The following ADAMTS17 variants were observed in gnomAD, a reference collection of about 807,000 sequenced individuals.
ADAMTS17 encodes the protein ADAM metallopeptidase with thrombospondin type 1 motif 17.
In ADAMTS17, 113 loss-of-function variants were observed where a neutral mutation model predicts 141.5. That is an observed-to-expected ratio of 0.80 (90% CI 0.69 to 0.93). The LOEUF (loss-of-function observed/expected upper bound fraction) is 0.93, where lower values mean the gene tolerates loss of function less well. ADAMTS17 is among the 40% of genes least tolerant of loss of function. The pLI, the probability that ADAMTS17 is intolerant of heterozygous loss-of-function variation, is 0.00. For missense variants in ADAMTS17, 1,659 were observed against 1,517.9 expected (o/e 1.09, Z -1.54); for synonymous variants, 768 against 630.6 (o/e 1.22, Z -3.27).
In ADAMTS17 at chr15:100,053,980, C is replaced by T. The variant is rs2032348811; in HGVS notation, c.2212G>A (p.Gly738Ser). 1 of 1,614,186 alleles carries T rather than the reference C, an allele frequency of 6.2e-7. No individual in the cohort carries two copies. The highest frequency in any genetic ancestry group is 1.3e-5 in the African/African-American group (1 of 75,030). The change falls in exon 16 of 22, where the codon GGC becomes AGC. Residue 738 changes from glycine to serine, a missense_variant. Gly to Ser is a moderately conservative substitution (Grantham distance 56). Coordinates refer to ENST00000268070, the MANE Select transcript of ADAMTS17 (RefSeq NM_139057.4). ...IELPGEFQIA[G>S]TTVRYVRRGL... ...CTTCTCACATAGCGAACAGTTGTGCCTGCAATCTGGAACTCTCCGGGGAGC... is the reference window on the plus strand; with the variant it reads ...CTTCTCACATAGCGAACAGTTGTGCTTGCAATCTGGAACTCTCCGGGGAGC...
intron 15 of ADAMTS17, among the ~76,000 whole-genome samples, chr15:100,067,793 G>T (rs1027678498): frequency 6.6e-6 from 1 of 152,164 alleles, no homozygotes; most frequent in African/African-American, 2.4e-5. Flanking sequence ...TGGCCGAATA[G>T]GAACAGCTCC....
At chr15:100,250,318 A>G (rs942268610) in intron 7 of ADAMTS17, among the ~76,000 whole-genome samples, 9 of 152,332 alleles carry the variant, frequency 5.9e-5, no homozygotes, top group Non-Finnish European at 1.0e-4. Flanking sequence ...GGTACCAGAC[A>G]GCTCCTTTCC....
chr15:100,230,430 C>T (rs750136825), intron 7 of ADAMTS17, among the ~76,000 whole-genome samples: 2 of 152,184 alleles, frequency 1.3e-5, no homozygotes, highest in African/African-American at 2.4e-5. Flanking sequence ...GCCATAGACA[C>T]ACGAGCTAAT....
At chr15:100,041,188 A>G (rs1254905327) in intron 18 of ADAMTS17, among the ~76,000 whole-genome samples, 1 of 152,258 alleles carries the variant, frequency 6.6e-6, no homozygotes, top group Non-Finnish European at 1.5e-5. Context: ...GAACACATTT[A>G]AAAACCAAAT....
intron 4 of ADAMTS17, among the ~76,000 whole-genome samples, chr15:100,277,734 A>C (rs928562829): frequency 2.0e-5 from 3 of 152,258 alleles, no homozygotes; most frequent in African/African-American, 7.2e-5. Context: ...GTTAACACTG[A>C]ACTATTTCTG....
intron 15 of ADAMTS17, among the ~76,000 whole-genome samples, chr15:100,055,851 A>G (rs2032521391): frequency 6.6e-6 from 1 of 152,180 alleles, no homozygotes; most frequent in African/African-American, 2.4e-5. Flanking sequence ...CCTCTGAATT[A>G]TTGTCATCAC....
chr15:100,183,374 G>C (rs2040592321), intron 8 of ADAMTS17, among the ~76,000 whole-genome samples: 1 of 152,018 alleles, frequency 6.6e-6, no homozygotes, highest in African/African-American at 2.4e-5. Flanking sequence ...TGTTCAGATT[G>C]AGTGAATTAT....
chr15:100,174,824 T>C (rs963312876), intron 8 of ADAMTS17, among the ~76,000 whole-genome samples: 1 of 152,188 alleles, frequency 6.6e-6, no homozygotes, highest in African/African-American at 2.4e-5. Context: ...ACAGTAGATA[T>C]TTTTACTAGC....
At chr15:100,206,887 T>C (rs770057760) in intron 7 of ADAMTS17, among the ~76,000 whole-genome samples, 11 of 152,156 alleles carry the variant, frequency 7.2e-5, no homozygotes, top group Non-Finnish European at 1.5e-4. Flanking sequence ...TCTGTTTGAA[T>C]CACAGTTATT....
chr15:100,266,194 G>A (rs1351859092), intron 4 of ADAMTS17, among the ~76,000 whole-genome samples: 1 of 152,154 alleles, frequency 6.6e-6, no homozygotes, highest in South Asian at 2.1e-4. Context: ...CCACACCCAC[G>A]GTTTCTGGTA....
intron 7 of ADAMTS17, among the ~76,000 whole-genome samples, chr15:100,249,425 T>G (rs4128197): frequency 0.032 from 4,809 of 152,216 alleles, 261 homozygotes; most frequent in African/African-American, 0.11. Context: ...TGCTGTTGCC[T>G]CTCCTATGGA....
chr15:100,099,463 G>A (rs896980209), intron 14 of ADAMTS17, among the ~76,000 whole-genome samples: 3 of 152,210 alleles, frequency 2.0e-5, no homozygotes, highest in African/African-American at 7.2e-5. Flanking sequence ...GAGCTTTGAT[G>A]ATTGTATTTA....
At chr15:100,096,314 CA>C (rs1567165418) in intron 15 of ADAMTS17, 41 bp downstream of exon 15, 1 of 1,610,310 alleles carries the variant, frequency 6.2e-7, no homozygotes, top group Non-Finnish European at 8.5e-7. Context: ...GCAAAGGACA[CA>C]AAACACTGTA....
At chr15:100,007,460 A>G (rs935465675) in intron 18 of ADAMTS17, among the ~76,000 whole-genome samples, 13 of 151,220 alleles carry the variant, frequency 8.6e-5, no homozygotes, top group Admixed American at 1.3e-4. Flanking sequence ...CGCTGTTGTC[A>G]CCCAGGCTGG....
chr15:100,300,592 T>C (rs2044996480), intron 3 of ADAMTS17, among the ~76,000 whole-genome samples: 1 of 152,218 alleles, frequency 6.6e-6, no homozygotes, highest in African/African-American at 2.4e-5. Context: ...TCCACCAGGG[T>C]GAGCAAACCA....
At chr15:100,320,069 T>G (rs1344830375) in intron 3 of ADAMTS17, among the ~76,000 whole-genome samples, 1 of 151,744 alleles carries the variant, frequency 6.6e-6, no homozygotes, top group African/African-American at 2.4e-5. Flanking sequence ...ATTGCGAAAA[T>G]TAAAAACTCA....
rs551981197 is a variant in ADAMTS17, at chr15:99,997,010, C to T, written c.2796+375G>A. Among the ~76,000 whole-genome samples, 4 of 152,320 alleles carry T rather than the reference C, an allele frequency of 2.6e-5. No individual in the cohort carries two copies. Among genetic ancestry groups the T allele is most frequent in the Non-Finnish European group, 4.4e-5 (3 of 68,026 alleles). On this transcript the variant is annotated intron_variant, in intron 19 of 21. Transcript: ENST00000268070. The surrounding 1 kb of genome is among the most constrained non-coding windows in gnomAD (Gnocchi z 4.7). Reference sequence around the variant, plus strand: ...ATCTGACTCTCGTAATCTACAAAGACTGCTGGGGGATTAAAGGCAAACCTT... The same window carrying T: ...ATCTGACTCTCGTAATCTACAAAGATTGCTGGGGGATTAAAGGCAAACCTT...
chr15:100,327,930 T>C, intron 3 of ADAMTS17, among the ~76,000 whole-genome samples: 1 of 152,184 alleles, frequency 6.6e-6, no homozygotes, highest in Admixed American at 6.5e-5. Context: ...CCACCAACCC[T>C]GCTCAGACAT....
intron 18 of ADAMTS17, among the ~76,000 whole-genome samples, chr15:100,045,548 C>T (rs377348727): frequency 6.6e-5 from 10 of 152,116 alleles, no homozygotes; most frequent in African/African-American, 1.4e-4. Flanking sequence ...GGAGTCTGGC[C>T]GGCCTGTCTT....
Sources: allele counts gnomAD v4.1 joint callset (sites outside exome capture counted in the v4.1 genomes callset), GRCh38; gene constraint gnomAD v4.1.1; non-coding constraint Gnocchi (gnomAD v3.1); transcripts MANE v1.5; gene names NCBI Gene and HGNC (gene_info 2026-07-23, HGNC 2026-07-21).